GPHN: variants seen among roughly 807,000 people sequenced by gnomAD.
GPHN encodes the protein gephyrin.
In GPHN, 17 loss-of-function variants were observed where a neutral mutation model predicts 95.5. The observed-to-expected ratio is 0.18, with a 90% CI of 0.12 to 0.27. The LOEUF (loss-of-function observed/expected upper bound fraction) is 0.27, where lower values mean the gene tolerates loss of function less well. Ranked by LOEUF, GPHN falls within the 10% of genes least tolerant of loss-of-function variation. The probability of loss-of-function intolerance (pLI) is 1.00; values close to 1 mark genes in which losing one functional copy is unlikely to be tolerated. For missense variants in GPHN, 660 were observed against 978.1 expected, an observed-to-expected ratio of 0.67 and a Z score of 4.34; for synonymous variants, 320 against 322.5, an observed-to-expected ratio of 0.99 and a Z score of 0.08.
chr14:67,458,101 A>G, the GPHN span, among the ~76,000 whole-genome samples: 1 of 152,048 alleles, frequency 6.6e-6, no homozygotes, highest in Non-Finnish European at 1.5e-5. Context: ...AGCCCTTGAA[A>G]CCTGAGGAGA....
chr14:66,735,602 A>G (rs944909854), intron 2 of GPHN, among the ~76,000 whole-genome samples: 2 of 152,226 alleles, frequency 1.3e-5, no homozygotes, highest in African/African-American at 2.4e-5. Context: ...AAACAGAACT[A>G]TTAGATACTT....
chr14:66,913,167 C>T (rs2065751146), intron 5 of GPHN, among the ~76,000 whole-genome samples: 1 of 152,162 alleles, frequency 6.6e-6, no homozygotes, highest in Non-Finnish European at 1.5e-5. Flanking sequence ...ATCTGTCAGA[C>T]AGCAACATCT....
chr14:66,728,452 A>C (rs1390876474), intron 2 of GPHN, among the ~76,000 whole-genome samples: 1 of 152,250 alleles, frequency 6.6e-6, no homozygotes, highest in Non-Finnish European at 1.5e-5. Context: ...AGCCCATGGC[A>C]GCAGCCAGGA....
intron 1 of GPHN, among the ~76,000 whole-genome samples, chr14:66,510,213 A>G (rs1027881082): frequency 6.6e-6 from 1 of 152,220 alleles, no homozygotes; most frequent in East Asian, 1.9e-4. Context: ...CAAAGTGTAT[A>G]TCTTTTATCT....
the GPHN span, among the ~76,000 whole-genome samples, chr14:67,557,099 T>G: frequency 6.6e-6 from 1 of 152,224 alleles, no homozygotes; most frequent in South Asian, 2.1e-4. Context: ...AGTCCTTCTT[T>G]TGCTCAGATT....
chr14:66,528,144 G>A (rs560272610), intron 1 of GPHN, among the ~76,000 whole-genome samples: 1 of 152,288 alleles, frequency 6.6e-6, no homozygotes, highest in East Asian at 1.9e-4. Flanking sequence ...GAATCTGGGT[G>A]CTCCAGTATT....
chr14:66,646,414 G>A (rs911180249), intron 1 of GPHN, among the ~76,000 whole-genome samples: 1 of 152,016 alleles, frequency 6.6e-6, no homozygotes, highest in Non-Finnish European at 1.5e-5. Flanking sequence ...ACAGTATAAT[G>A]GTTCCTCAAA....
chr14:67,541,944 T>A, the GPHN span: 1 of 1,607,790 alleles, frequency 6.2e-7, no homozygotes, highest in Non-Finnish European at 8.5e-7. Flanking sequence ...ACTCAGCTTT[T>A]CCGGTTCCGC....
the GPHN span, among the ~76,000 whole-genome samples, chr14:67,291,373 G>T: frequency 6.6e-6 from 1 of 151,856 alleles, no homozygotes; most frequent in Admixed American, 6.6e-5. Flanking sequence ...GATTACAGGC[G>T]CCTGCCACTG....
the GPHN span, among the ~76,000 whole-genome samples, chr14:67,275,330 G>C: frequency 6.6e-6 from 1 of 152,164 alleles, no homozygotes; most frequent in Non-Finnish European, 1.5e-5. Flanking sequence ...TTAGCATGAA[G>C]GGCTATTGAA....
At chr14:67,627,340 G>A in the GPHN span, among the ~76,000 whole-genome samples, 1 of 148,586 alleles carries the variant, frequency 6.7e-6, no homozygotes, top group Admixed American at 6.8e-5. Flanking sequence ...GTAATTATAG[G>A]GTGTTTACAA....
At chr14:67,321,189 G>C in the GPHN span, 1 of 1,614,208 alleles carries the variant, frequency 6.2e-7, no homozygotes, top group Non-Finnish European at 8.5e-7. Flanking sequence ...AATTTGTATG[G>C]AACTAGCATA....
At chr14:67,266,746 GTAAA>G in the GPHN span, among the ~76,000 whole-genome samples, 707 of 152,288 alleles carry the variant, frequency 4.6e-3, 5 homozygotes, top group African/African-American at 0.016. Context: ...CAGTTATCAA[GTAAA>G]TAGAGTCTTT....
At chr14:67,422,627 C>A in the GPHN span, among the ~76,000 whole-genome samples, 1 of 152,184 alleles carries the variant, frequency 6.6e-6, no homozygotes, top group East Asian at 1.9e-4. Context: ...ATTTGTGCAT[C>A]CCAGTTCACC....
the GPHN span, chr14:67,616,059 G>A: frequency 3.3e-6 from 1 of 299,076 alleles, no homozygotes. Context: ...GGGAGAGAAT[G>A]AGGAGGAGGA....
chr14:67,670,821 C>T, the GPHN span, among the ~76,000 whole-genome samples: 1 of 152,154 alleles, frequency 6.6e-6, no homozygotes, highest in Non-Finnish European at 1.5e-5. Context: ...CCACCGTGCC[C>T]GGCCGTTTGT....
chr14:66,792,595 C>G (rs1372279361), intron 3 of GPHN, among the ~76,000 whole-genome samples: 4 of 151,878 alleles, frequency 2.6e-5, no homozygotes, highest in African/African-American at 9.7e-5. Context: ...ACTCACCATG[C>G]AAAAAATAAA....
the GPHN span, chr14:67,657,196 T>G: frequency 6.6e-6 from 1 of 152,056 alleles, no homozygotes; most frequent in African/African-American, 2.4e-5. Flanking sequence ...AGGTTCAGAG[T>G]GGTATTGCCT....
chr14:67,296,095 G>T, the GPHN span, among the ~76,000 whole-genome samples: 2 of 152,142 alleles, frequency 1.3e-5, no homozygotes, highest in Admixed American at 1.3e-4. Context: ...TGTTTTGGGA[G>T]GATGGGAAGG....
Sources: gnomAD v4.1 joint callset for allele counts (sites outside exome capture counted in the v4.1 genomes callset) on GRCh38, gnomAD v4.1.1 for gene constraint, MANE v1.5 for transcripts, NCBI Gene and HGNC (gene_info 2026-07-23, HGNC 2026-07-21) for gene names.